ATRNL1: variants seen among roughly 807,000 people sequenced by gnomAD.
ATRNL1 encodes attractin-like protein 1.
In ATRNL1, 95 loss-of-function variants were observed where a neutral mutation model predicts 182.7. The ratio of observed to expected loss-of-function variants is 0.52; its 90% confidence interval spans 0.44 to 0.62. ATRNL1 has a LOEUF of 0.62. ATRNL1 is among the 20% of genes least tolerant of loss of function. ATRNL1 has a pLI of 0.00. For missense variants in ATRNL1, 1,471 were observed against 1,679.5 expected, an observed-to-expected ratio of 0.88 and a Z score of 2.17; for synonymous variants, 576 against 568.3, an observed-to-expected ratio of 1.01 and a Z score of -0.19.
chr10:115,223,552 G>T (rs1849553504), intron 9 of ATRNL1, among the ~76,000 whole-genome samples: 1 of 151,944 alleles, frequency 6.6e-6, no homozygotes, highest in East Asian at 1.9e-4. Flanking sequence ...CAATTTTCTT[G>T]GTAACTGGTA....
At chr10:115,943,145 C>A (rs1193688517) in intron 28 of ATRNL1, among the ~76,000 whole-genome samples, 2 of 152,200 alleles carry the variant, frequency 1.3e-5, no homozygotes, top group Non-Finnish European at 2.9e-5. Flanking sequence ...GTCAAGTGGT[C>A]TTTCTTCCAT....
chr10:115,736,531 A>G (rs1053218745), intron 27 of ATRNL1, among the ~76,000 whole-genome samples: 1 of 152,090 alleles, frequency 6.6e-6, no homozygotes, highest in Non-Finnish European at 1.5e-5. Context: ...TTGGAAATCT[A>G]AATCTGTTGA....
rs1592139969 is a variant in ATRNL1 at position 115,129,639 on chromosome 10, C to T, written c.829+104C>T. ...TTCGTTATAGTTTGCACACCCAAGC[C>T]TTATATATTTACTTTTATTTTTAGA... is the stretch of plus-strand genomic sequence containing the variant. On this transcript the variant is annotated intron_variant, in intron 5 of 28. Transcript: ENST00000355044. 9.0e-6 allele frequency: 7 copies of T among 778,044 alleles called. 1 individual carries two copies. The East Asian group carries it at 1.7e-4, about 18-fold the overall frequency. 48.2% of individuals were successfully genotyped at this position (778,044 alleles called of 1,614,324 possible). A position where few individuals can be genotyped will look rare whatever the true frequency, so the allele number is the denominator to read the frequency against.
At chr10:115,377,998 G>A (rs1195989489) in intron 19 of ATRNL1, among the ~76,000 whole-genome samples, 2 of 152,064 alleles carry the variant, frequency 1.3e-5, no homozygotes, top group Non-Finnish European at 2.9e-5. Flanking sequence ...CTGCATTCTT[G>A]TAAGGGCTGC....
At chr10:115,499,451 T>G (rs572331549) in intron 24 of ATRNL1, among the ~76,000 whole-genome samples, 2 of 152,302 alleles carry the variant, frequency 1.3e-5, no homozygotes, top group East Asian at 3.9e-4. Context: ...GTCAGTTAAT[T>G]TAGAAAGCTT....
intron 23 of ATRNL1, 114 bp downstream of exon 23, chr10:115,467,366 AT>A (rs1848103007): frequency 1.5e-6 from 1 of 651,138 alleles, no homozygotes; most frequent in Admixed American, 3.6e-5. Context: ...ATATGACAGG[AT>A]TATTTTGCTG....
At chr10:115,656,164 T>C (rs2133892011) in intron 26 of ATRNL1, among the ~76,000 whole-genome samples, 1 of 152,304 alleles carries the variant, frequency 6.6e-6, no homozygotes, top group African/African-American at 2.4e-5. Flanking sequence ...TGATTCTGAA[T>C]TACATGTCAT....
At chr10:115,859,584 T>C (rs1172882340) in intron 28 of ATRNL1, among the ~76,000 whole-genome samples, 4 of 152,118 alleles carry the variant, frequency 2.6e-5, no homozygotes, top group Non-Finnish European at 5.9e-5. Flanking sequence ...GCCCTGCAAA[T>C]TCCTTCTAGT....
Position 115,948,890 on chromosome 10 carries a change from G to C in ATRNL1, c.*4111G>C, listed in dbSNP as rs1041546972. On this transcript the variant is annotated 3_prime_UTR_variant, in exon 29 of 29. Coordinates refer to ENST00000355044, the MANE Select transcript of ATRNL1 (RefSeq NM_207303.4). ...TGTGCATGCCAGTGTTCAAAAGATT[G>C]TGTAAAAGTTCAAGCCCGTTTTAGA... The C allele has an allele frequency of 6.6e-6, 1 of 151,102 alleles. No homozygotes were observed. Among genetic ancestry groups the C allele is most frequent in the African/African-American group, 2.4e-5 (1 of 41,102 alleles). The allele number at this position is 151,102 out of a possible 1,614,324, so 9.4% of individuals were successfully genotyped here.
intron 21 of ATRNL1, among the ~76,000 whole-genome samples, chr10:115,427,537 G>A (rs1175840819): frequency 6.6e-6 from 1 of 151,978 alleles, no homozygotes; most frequent in Non-Finnish European, 1.5e-5. Context: ...CCCAGGTTTT[G>A]GTAGAAATAT....
intron 17 of ATRNL1, among the ~76,000 whole-genome samples, chr10:115,313,105 A>G (rs1336170188): frequency 1.3e-5 from 2 of 151,806 alleles, no homozygotes; most frequent in Non-Finnish European, 2.9e-5. Flanking sequence ...ATAGTAGTCA[A>G]CCTTCTGAAT....
In ATRNL1 at chr10:115,406,036, G is replaced by A. The variant is rs553912082; in HGVS notation, c.3269+11284G>A. Among the ~76,000 whole-genome samples the A allele has an allele frequency of 9.2e-5, 14 of 151,696 alleles. No individual in the cohort carries two copies. In the South Asian group the frequency reaches 1.7e-3, roughly 18 times the overall value. Reference sequence around the variant, plus strand: ...AGGACATAAACTCATCATTTTTTACGGCTGCATAGTATTCCATGGTGTATA... The same window carrying A: ...AGGACATAAACTCATCATTTTTTACAGCTGCATAGTATTCCATGGTGTATA... On this transcript the variant is annotated intron_variant, in intron 20 of 28. Coordinates refer to ENST00000355044, the MANE Select transcript of ATRNL1 (RefSeq NM_207303.4).
At chr10:115,173,693 T>C (rs1228053348) in intron 8 of ATRNL1, among the ~76,000 whole-genome samples, 1 of 151,880 alleles carries the variant, frequency 6.6e-6, no homozygotes, top group Non-Finnish European at 1.5e-5. Flanking sequence ...TATTACTTAC[T>C]ATTATAAAGT....
At chr10:115,876,749 G>A (rs1951709438) in intron 28 of ATRNL1, among the ~76,000 whole-genome samples, 1 of 152,152 alleles carries the variant, frequency 6.6e-6, no homozygotes, top group South Asian at 2.1e-4. Flanking sequence ...TAATTTTAAA[G>A]CATTTTTTAG....
chr10:115,696,923 C>T (rs2133985655), intron 26 of ATRNL1, among the ~76,000 whole-genome samples: 1 of 150,142 alleles, frequency 6.7e-6, no homozygotes, highest in South Asian at 2.1e-4. Context: ...GGGGAAATGC[C>T]ACACTTTAAA....
intron 20 of ATRNL1, among the ~76,000 whole-genome samples, chr10:115,403,513 T>C (rs1844677787): frequency 6.6e-6 from 1 of 152,144 alleles, no homozygotes; most frequent in African/African-American, 2.4e-5. Context: ...TGGAGTGCAA[T>C]GGCACAATCT....
At chr10:115,490,003 G>A (rs1053568754) in intron 24 of ATRNL1, among the ~76,000 whole-genome samples, 66 of 152,258 alleles carry the variant, frequency 4.3e-4, no homozygotes, top group African/African-American at 1.6e-3. Flanking sequence ...GGCTGTATAT[G>A]AAATTCTGGG....
chr10:115,750,419 T>C (rs1375888766), intron 27 of ATRNL1, among the ~76,000 whole-genome samples: 8 of 151,756 alleles, frequency 5.3e-5, no homozygotes, highest in African/African-American at 9.7e-5. Context: ...AACAGCTATA[T>C]GGGAAAAGAG....
At chr10:115,347,391 C>T (rs1183869771) in intron 19 of ATRNL1, among the ~76,000 whole-genome samples, 6 of 151,902 alleles carry the variant, frequency 3.9e-5, no homozygotes, top group South Asian at 2.1e-4. Flanking sequence ...CATTAGCTAC[C>T]TAATAATAAA....
Sources: gnomAD v4.1 joint callset for allele counts (sites outside exome capture counted in the v4.1 genomes callset) on GRCh38, gnomAD v4.1.1 for gene constraint, MANE v1.5 for transcripts, NCBI Gene and HGNC (gene_info 2026-07-23, HGNC 2026-07-21) for gene names.